POLDIP3: variants seen among roughly 807,000 people sequenced by gnomAD.
POLDIP3 encodes the protein polymerase delta-interacting protein 3.
In POLDIP3, 14 loss-of-function variants were observed where a neutral mutation model predicts 45.1. The ratio of observed to expected loss-of-function variants is 0.31; its 90% CI spans 0.20 to 0.49. The LOEUF is 0.49. Ranked by LOEUF, POLDIP3 falls within the 20% of genes least tolerant of loss-of-function variation. The pLI, the probability that POLDIP3 is intolerant of heterozygous loss-of-function variation, is 0.99. For synonymous variants in POLDIP3, 223 were observed against 205.2 expected, an observed-to-expected ratio of 1.09 and a Z score of -0.74; for missense variants, 511 against 538.8, an observed-to-expected ratio of 0.95 and a Z score of 0.51.
At chr22:42,592,953 GT>G (rs1476930965) in intron 6 of POLDIP3, among the ~76,000 whole-genome samples, 2 of 152,186 alleles carry the variant, frequency 1.3e-5, no homozygotes, top group Non-Finnish European at 2.9e-5. Flanking sequence ...GACATGGTTT[GT>G]TTTTAATGGT....
intron 1 of POLDIP3, among the ~76,000 whole-genome samples, chr22:42,612,209 G>A (rs920494345): frequency 1.6e-4 from 24 of 152,200 alleles, no homozygotes; most frequent in African/African-American, 4.8e-4. Flanking sequence ...GAAAGCTAAC[G>A]TCTATCAAGC....
At chr22:42,594,475 C>T (rs1925862967) in intron 6 of POLDIP3, among the ~76,000 whole-genome samples, 1 of 152,188 alleles carries the variant, frequency 6.6e-6, no homozygotes. Context: ...CACACCATTA[C>T]ACTCTAGCTT....
intron 1 of POLDIP3, 35 bp from the exon 2 acceptor site, chr22:42,603,195 T>C: frequency 6.3e-7 from 1 of 1,599,398 alleles, no homozygotes; most frequent in South Asian, 1.1e-5. Flanking sequence ...ATTAAGTGGA[T>C]CTGGGTATCT....
intron 7 of POLDIP3, among the ~76,000 whole-genome samples, chr22:42,588,697 C>T (rs552136212): frequency 4.3e-4 from 64 of 149,474 alleles, no homozygotes; most frequent in African/African-American, 1.5e-3. Flanking sequence ...GGTGCGATCT[C>T]GGCTCACGGC....
rs145808161 is a variant in POLDIP3 at position 42,612,208 on chromosome 22, C to T, written c.59+2591G>A. 4.1e-3 allele frequency among the ~76,000 whole-genome samples: 624 copies of T among 152,326 alleles called. 5 individuals carry two copies. The highest frequency in any genetic ancestry group is 5.8e-3 in the Non-Finnish European group (397 of 68,038). ...CTTCAATGACAATAACGAAAGCTAA[C>T]GTCTATCAAGCACTTAAGTACCCGT... On this transcript the variant is annotated intron_variant, in intron 1 of 8. Transcript: ENST00000252115.
At chr22:42,607,998 C>T (rs1434309174) in intron 1 of POLDIP3, among the ~76,000 whole-genome samples, 1 of 151,834 alleles carries the variant, frequency 6.6e-6, no homozygotes, top group African/African-American at 2.4e-5. Flanking sequence ...CTCCACCCAG[C>T]CACCACCCCG....
Position 42,592,031 on chromosome 22 carries a change from C to T in POLDIP3, c.945G>A (p.Gly315=). The T allele has an allele frequency of 6.2e-7, 1 of 1,614,232 alleles. No homozygotes were observed. Among genetic ancestry groups the T allele is most frequent in the Non-Finnish European group, 8.5e-7 (1 of 1,180,034 alleles). ...ALKRARLVHP[G]VAEVVFVKKD... ...TTTTCACAAACACCACCTCCGCTAC[C>T]CCAGGATGGACCAGTCGAGCTCGCT... Residue 315 remains glycine, a synonymous_variant, in exon 7 of 9, where the codon GGG becomes GGA. Coordinates refer to ENST00000252115, the MANE Select transcript of POLDIP3 (RefSeq NM_032311.5).
At chr22:42,598,960 C>T (rs779627762) in intron 4 of POLDIP3, among the ~76,000 whole-genome samples, 24 of 152,228 alleles carry the variant, frequency 1.6e-4, no homozygotes, top group Non-Finnish European at 2.6e-4. Flanking sequence ...GCAGGCTGCA[C>T]CTGGTAGAGC....
intron 6 of POLDIP3, among the ~76,000 whole-genome samples, chr22:42,592,888 A>G (rs1370311469): frequency 6.6e-6 from 1 of 152,210 alleles, no homozygotes; most frequent in Non-Finnish European, 1.5e-5. Context: ...TTCACCTGCA[A>G]CTGCCTTCAC....
chr22:42,614,681 C>A, intron 1 of POLDIP3, 118 bp downstream of exon 1: 2 of 1,139,124 alleles, frequency 1.8e-6, no homozygotes, highest in Non-Finnish European at 2.6e-6. Context: ...AGGAGCGCGG[C>A]TGTGGTCGGG....
chr22:42,596,084 G>C, intron 5 of POLDIP3, 102 bp downstream of exon 5: 1 of 1,298,602 alleles, frequency 7.7e-7, no homozygotes, highest in Non-Finnish European at 1.1e-6. Context: ...AATGGGGGTG[G>C]CAATGCCCAC....
rs1322979464 is a variant in POLDIP3 at position 42,602,955 on chromosome 22, C to T, written c.265G>A (p.Gly89Arg). 1 of 1,613,976 alleles carries T rather than the reference C, an allele frequency of 6.2e-7. No individual in the cohort carries two copies. The highest frequency in any genetic ancestry group is 1.3e-5 in the African/African-American group (1 of 74,884). Reference protein sequence around the residue: ...LQKDARFRIKGKVQDAREMLN... With the variant: ...LQKDARFRIKRKVQDAREMLN... ...ATCTCTCTGGCATCCTGCACTTTCC[C>T]TTTGATTCGAAATCGGGCATCTTTC... Residue 89 changes from glycine (G) to arginine (R), a missense_variant, in exon 2 of 9, where the codon GGG (glycine) becomes AGG (arginine). By Grantham distance (125) the Gly-to-Arg change is moderately radical. Transcript: ENST00000252115.
chr22:42,597,368 G>A (rs1601892369), intron 4 of POLDIP3, among the ~76,000 whole-genome samples: 1 of 152,194 alleles, frequency 6.6e-6, no homozygotes, highest in South Asian at 2.1e-4. Context: ...CTCCAAGTCT[G>A]GGTGAAGCAG....
chr22:42,595,135 T>C (rs1925906585), intron 6 of POLDIP3, among the ~76,000 whole-genome samples: 1 of 152,252 alleles, frequency 6.6e-6, no homozygotes, highest in Non-Finnish European at 1.5e-5. Flanking sequence ...CAACATGGTT[T>C]CTGCTCAACA....
chr22:42,599,760 T>G lies in POLDIP3; in HGVS notation c.571A>C (p.Ile191Leu). ...ATCTGTTTAGTAGGAACGGAAGCTATACCATCATCATCTTCATCCAGGTCA... is the reference window on the plus strand; with the variant it reads ...ATCTGTTTAGTAGGAACGGAAGCTAGACCATCATCATCTTCATCCAGGTCA... ...LYDLDEDDDG[I>L]ASVPTKQMKF... The change falls in exon 4 of 9, where the codon ATA becomes CTA. Residue 191 changes from isoleucine (I) to leucine (L), a missense_variant. Physicochemically the swap from Ile to Leu is conservative, Grantham distance 5. This residue lies in a region of POLDIP3 where 378 missense variants were observed against 352.3 expected (regional missense o/e 1.07). Coordinates refer to ENST00000252115, the MANE Select transcript of POLDIP3 (RefSeq NM_032311.5). 1 of 1,611,898 alleles carries G rather than the reference T, an allele frequency of 6.2e-7. No individual in the cohort carries two copies. The highest frequency in any genetic ancestry group is 1.3e-5 in the African/African-American group (1 of 74,954).
rs1020491101 is a variant in POLDIP3, at chr22:42,584,852, A to G, written c.*939T>C. The G allele has an allele frequency of 8.8e-6, 4 of 455,528 alleles. No homozygotes were observed. The highest frequency in any genetic ancestry group is 8.0e-5 in the African/African-American group (4 of 50,038). 28.2% of individuals were successfully genotyped at this position (455,528 alleles called of 1,614,324 possible). ...GTCCTGTAGACAACTGAGGCCAGAA[A>G]TGGAGAGCCAGGAACAAACTGACCT... On this transcript the variant is annotated 3_prime_UTR_variant, in exon 9 of 9. Transcript: ENST00000252115.
At chr22:42,609,255 G>C (rs1408427197) in intron 1 of POLDIP3, among the ~76,000 whole-genome samples, 3 of 152,192 alleles carry the variant, frequency 2.0e-5, no homozygotes, top group Non-Finnish European at 2.9e-5. Flanking sequence ...GTAAATGTTT[G>C]GGAGGGCGAA....
intron 6 of POLDIP3, 49 bp from the exon 7 acceptor site, chr22:42,592,133 T>C (rs779542089): frequency 1.2e-6 from 2 of 1,610,706 alleles, no homozygotes; most frequent in Non-Finnish European, 8.5e-7. Context: ...TCTCAGCACC[T>C]GCCGCTCACA....
intron 6 of POLDIP3, among the ~76,000 whole-genome samples, chr22:42,593,477 G>A (rs1349927472): frequency 6.6e-6 from 1 of 152,188 alleles, no homozygotes; most frequent in Admixed American, 6.5e-5. Context: ...CACATAGCAA[G>A]TACTCAGTAA....
Sources: allele counts gnomAD v4.1 joint callset (sites outside exome capture counted in the v4.1 genomes callset), GRCh38; gene constraint gnomAD v4.1.1; regional missense constraint gnomAD v4.1.1; transcripts MANE v1.5; gene names NCBI Gene and HGNC (gene_info 2026-07-23, HGNC 2026-07-21).